Variants in HSF2 observed in about 807,000 individuals in gnomAD.
The protein encoded by HSF2 is heat shock factor protein 2.
Under a neutral mutation model 65.0 loss-of-function variants are expected in HSF2, and 21 were observed. The observed-to-expected ratio is 0.32, with a 90% CI of 0.23 to 0.47. The LOEUF is 0.47. Among genes scored for constraint, HSF2 ranks in the 20% least tolerant of loss-of-function variants. The probability of loss-of-function intolerance (pLI) is 1.00; values close to 1 mark genes in which losing one functional copy is unlikely to be tolerated. For synonymous variants in HSF2, 225 were observed against 219.1 expected, an observed-to-expected ratio of 1.03 and a Z score of -0.24; for missense variants, 499 against 628.1, an observed-to-expected ratio of 0.79 and a Z score of 2.20.
Position 122,432,157 on chromosome 6 carries a change from G to C in HSF2, c.1548G>C (p.Leu516=), listed in dbSNP as rs139438985. The C allele has an allele frequency of 6.6e-5, 106 of 1,613,938 alleles. No homozygotes were observed. In the African/African-American group the frequency reaches 1.2e-3, roughly 19 times the overall value. Residue 516 remains leucine, a synonymous_variant, in exon 13 of 13, where the codon CTG becomes CTC. Transcript: ENST00000368455. ...LTEAEASEAT[L]FYLCELAPAP... ...AAGCTGAAGCTAGTGAAGCTACACT[G>C]TTTTATTTATGTGAACTTGCTCCTG...
chr6:122,406,890 A>T (rs1773879470), intron 1 of HSF2, among the ~76,000 whole-genome samples: 1 of 152,154 alleles, frequency 6.6e-6, no homozygotes, highest in Non-Finnish European at 1.5e-5. Context: ...AAAAAAAAAC[A>T]GGAGTATTTT....
At chr6:122,412,290 C>G (rs1309568434) in intron 1 of HSF2, 83 bp from the exon 2 acceptor site, 1 of 805,194 alleles carries the variant, frequency 1.2e-6, no homozygotes, top group Admixed American at 1.9e-5. Flanking sequence ...CTACTCAAGA[C>G]AGTTGTGGGA....
chr6:122,406,354 A>T (rs1773866973), intron 1 of HSF2, among the ~76,000 whole-genome samples: 2 of 152,178 alleles, frequency 1.3e-5, no homozygotes, highest in South Asian at 4.1e-4. Context: ...AAGGCCTTGA[A>T]TGTGGCTGTT....
chr6:122,412,277 G>A (rs1774014913), intron 1 of HSF2, 96 bp from the exon 2 acceptor site: 2 of 738,550 alleles, frequency 2.7e-6, no homozygotes, highest in Non-Finnish European at 2.4e-6. Flanking sequence ...AGGAGGGACT[G>A]GACTACTCAA....
chr6:122,400,102 G>T (rs1773690745), intron 1 of HSF2, among the ~76,000 whole-genome samples: 1 of 152,156 alleles, frequency 6.6e-6, no homozygotes, highest in Non-Finnish European at 1.5e-5. Flanking sequence ...TTAACGGTCC[G>T]GTCCGCGTTC....
chr6:122,399,574 C>T (rs1157387556), upstream of HSF2: 7 of 593,324 alleles, frequency 1.2e-5, no homozygotes, highest in Non-Finnish European at 1.2e-5. Context: ...GTGCGGCCGC[C>T]CGGCCTCTCG....
chr6:122,413,632 G>T lies in HSF2; in HGVS notation c.438G>T (p.Arg146Ser), dbSNP rs752007728. 6.2e-7 allele frequency: 1 copy of T among 1,605,812 alleles called. No individual in the cohort carries two copies. Among genetic ancestry groups the T allele is most frequent in the Non-Finnish European group, 8.5e-7 (1 of 1,173,884 alleles). ...TAAAACAGGAAACTATTGAGTCCAGGCTTTCTGAATTAAAAAGGTAAAGTG... is the reference window on the plus strand; with the variant it reads ...TAAAACAGGAAACTATTGAGTCCAGTCTTTCTGAATTAAAAAGGTAAAGTG... ...VQIKQETIESRLSELKSENES... is the reference protein window; with the variant it reads ...VQIKQETIESSLSELKSENES... The change falls in exon 4 of 13, where the codon AGG becomes AGT. Residue 146 changes from arginine to serine, a missense_variant. Around this residue, in one of 2 missense-constraint regions of HSF2, gnomAD observed 150 missense variants for 234.6 expected, o/e 0.64. Coordinates refer to ENST00000368455, the MANE Select transcript of HSF2 (RefSeq NM_004506.4).
At chr6:122,408,336 A>T (rs995836077) in intron 1 of HSF2, among the ~76,000 whole-genome samples, 2 of 114,870 alleles carry the variant, frequency 1.7e-5, no homozygotes, top group Admixed American at 9.6e-5. Flanking sequence ...CAAGTTCCAT[A>T]AAAAAAAAAA....
chr6:122,431,339 T>C (rs371356980), intron 11 of HSF2, 91 bp from the exon 12 acceptor site: 8 of 489,966 alleles, frequency 1.6e-5, no homozygotes, highest in Non-Finnish European at 2.8e-5. Flanking sequence ...TCAGATAATA[T>C]ACCAGTATTT....
chr6:122,409,300 G>A (rs906509238), intron 1 of HSF2, among the ~76,000 whole-genome samples: 13 of 152,034 alleles, frequency 8.6e-5, no homozygotes, highest in Non-Finnish European at 1.6e-4. Flanking sequence ...AAATGCCACA[G>A]AGAGGTGTAG....
intron 1 of HSF2, among the ~76,000 whole-genome samples, chr6:122,401,799 G>A (rs1773740168): frequency 6.6e-6 from 1 of 152,168 alleles, no homozygotes; most frequent in Admixed American, 6.5e-5. Context: ...TAGGAATGAT[G>A]AAGATAAAAT....
intron 11 of HSF2, among the ~76,000 whole-genome samples, chr6:122,430,353 T>G (rs1033010604): frequency 2.6e-5 from 4 of 152,194 alleles, no homozygotes; most frequent in South Asian, 2.1e-4. Flanking sequence ...AGTGGTGATA[T>G]CCTCTTTATC....
chr6:122,414,426 AC>A (rs1261330235), intron 4 of HSF2, among the ~76,000 whole-genome samples: 1 of 152,092 alleles, frequency 6.6e-6, no homozygotes, highest in Admixed American at 6.6e-5. Context: ...TAAAAGAGGA[AC>A]CTATAACTTT....
chr6:122,405,201 C>T (rs1347574367), intron 1 of HSF2, among the ~76,000 whole-genome samples: 1 of 148,982 alleles, frequency 6.7e-6, no homozygotes, highest in African/African-American at 2.5e-5. Context: ...GGGAGGATTG[C>T]TTGAGCCCAG....
intron 1 of HSF2, among the ~76,000 whole-genome samples, 189 bp downstream of exon 1, chr6:122,400,019 G>A (rs909398353): frequency 3.3e-5 from 5 of 152,094 alleles, no homozygotes; most frequent in African/African-American, 4.8e-5. Flanking sequence ...GGGCCCGGCC[G>A]GCAGCGCCGC....
chr6:122,411,041 C>T lies in HSF2; in HGVS notation c.94-1332C>T, dbSNP rs191211805. Among the ~76,000 whole-genome samples the T allele has an allele frequency of 7.9e-3, 1,097 of 138,632 alleles. 4 individuals carry two copies. Among genetic ancestry groups the T allele is most frequent in the Middle Eastern group, 0.014 (3 of 216 alleles). The allele number at this position is 138,632 out of a possible 152,430, so 90.9% of individuals were successfully genotyped here. On this transcript the variant is annotated intron_variant, in intron 1 of 12. Transcript: ENST00000368455. Reference sequence around the variant, plus strand: ...TTTAAAGGAACTATCATAGTGTTTTCCACAGCAACCACACTATTTTAACAT... The same window carrying T: ...TTTAAAGGAACTATCATAGTGTTTTTCACAGCAACCACACTATTTTAACAT...
chr6:122,399,668 T>TGCCGTAGCTGCCGCCGTAGCTGCC lies in HSF2; in HGVS notation c.-54_-53insTAGCTGCCGCCGTAGCTGCCGCCG, dbSNP rs45470891. 22 of 1,238,826 alleles carry TGCCGTAGCTGCCGCCGTAGCTGCC rather than the reference T, an allele frequency of 1.8e-5. No individual in the cohort carries two copies. Among genetic ancestry groups the TGCCGTAGCTGCCGCCGTAGCTGCC allele is most frequent in the South Asian group, 7.4e-5 (6 of 81,212 alleles). The allele number at this position is 1,238,826 out of a possible 1,614,324, so 76.7% of individuals were successfully genotyped here. A position where few individuals can be genotyped will look rare whatever the true frequency, so the allele number is the denominator to read the frequency against. On this transcript the variant is annotated 5_prime_UTR_variant, in exon 1 of 13. Coordinates refer to ENST00000368455, the MANE Select transcript of HSF2 (RefSeq NM_004506.4). Reference sequence around the variant, plus strand: ...GTTGTGGGCGTTCTCGGGGAGCTGCTGCCGTAGCTGCCGCCGCCGCTACCA... The same window carrying TGCCGTAGCTGCCGCCGTAGCTGCC: ...GTTGTGGGCGTTCTCGGGGAGCTGCTGCCGTAGCTGCCGCCGTAGCTGCCGCCGTAGCTGCCGCCGCCGCTACCA...
intron 1 of HSF2, among the ~76,000 whole-genome samples, chr6:122,408,638 T>C (rs1773919732): frequency 6.6e-6 from 1 of 152,162 alleles, no homozygotes. Context: ...ATCATTTTAC[T>C]GATTTCAGTT....
chr6:122,419,519 G>A (rs1774191084), intron 6 of HSF2, among the ~76,000 whole-genome samples: 1 of 151,874 alleles, frequency 6.6e-6, no homozygotes, highest in Admixed American at 6.6e-5. Flanking sequence ...AGCATTAGAA[G>A]GCCTGAGTGA....
Sources: allele counts gnomAD v4.1 joint callset (sites outside exome capture counted in the v4.1 genomes callset), GRCh38; gene constraint gnomAD v4.1.1; regional missense constraint gnomAD v4.1.1; transcripts MANE v1.5; gene names NCBI Gene and HGNC (gene_info 2026-07-23, HGNC 2026-07-21).